Variants in MCTP1 observed in about 807,000 individuals in gnomAD.
MCTP1 encodes the protein multiple C2 and transmembrane domain-containing protein 1.
In MCTP1, 69 loss-of-function variants were observed where a neutral mutation model predicts 120.6. The ratio of observed to expected loss-of-function variants is 0.57; its 90% CI spans 0.47 to 0.70. MCTP1 has a LOEUF of 0.70. MCTP1 is among the 30% of genes least tolerant of loss of function. The pLI is 0.00. For missense variants in MCTP1, 1,203 were observed against 1,248.8 expected (o/e 0.96, Z 0.55); for synonymous variants, 529 against 493.1 (o/e 1.07, Z -0.96).
chr5:95,115,410 T>C (rs1757749826), intron 1 of MCTP1, among the ~76,000 whole-genome samples: 2 of 152,060 alleles, frequency 1.3e-5, no homozygotes, highest in African/African-American at 2.4e-5. Context: ...CAGAATTCTA[T>C]CAGATAAACT....
chr5:94,840,202 A>G (rs535883803), intron 17 of MCTP1, among the ~76,000 whole-genome samples: 143 of 152,204 alleles, frequency 9.4e-4, no homozygotes, highest in Admixed American at 1.6e-3. Flanking sequence ...CTTTCCCCCA[A>G]CTCTCAAGGG....
chr5:95,017,533 AT>A lies in MCTP1; in HGVS notation c.721-50del, dbSNP rs779447283. ...ATATTAAATTTATTATCTCTGTTCTATTTTCTCTAAAGGGGGACCATATATA... is the reference window on the plus strand; with the variant it reads ...ATATTAAATTTATTATCTCTGTTCTATTTCTCTAAAGGGGGACCATATATA... On this transcript the variant is annotated intron_variant, in intron 1 of 22. Transcript: ENST00000515393. The A allele has an allele frequency of 2.3e-6, 3 of 1,301,458 alleles. No individual in the cohort carries two copies. In the East Asian group the frequency reaches 7.7e-5, roughly 33 times the overall value. The allele number at this position is 1,301,458 out of a possible 1,614,324, so 80.6% of individuals were successfully genotyped here.
At position 94,714,789 on chromosome 5, in the gene MCTP1, T is replaced by C; in HGVS notation, c.2708A>G (p.Glu903Gly). ...NILDEVASFGERIKNTFNWTV... is the reference protein window; with the variant it reads ...NILDEVASFGGRIKNTFNWTV... Reference sequence around the variant, plus strand: ...CACCGTCACTCACTTCTTTATCCTTTCGCCAAAGGAAGCCACTTCATCTAG... The same window carrying C: ...CACCGTCACTCACTTCTTTATCCTTCCGCCAAAGGAAGCCACTTCATCTAG... The change falls in exon 20 of 23, where the codon GAA becomes GGA. Residue 903 changes from glutamate (E) to glycine (G), a missense_variant. By Grantham distance (98) the Glu-to-Gly change is moderately conservative. Transcript: ENST00000515393. 6.3e-7 allele frequency: 1 copy of C among 1,596,008 alleles called. No individual in the cohort carries two copies. Among genetic ancestry groups the C allele is most frequent in the Non-Finnish European group, 8.6e-7 (1 of 1,163,690 alleles).
At chr5:95,242,880 G>A (rs1283417529) in intron 1 of MCTP1, among the ~76,000 whole-genome samples, 1 of 152,168 alleles carries the variant, frequency 6.6e-6, no homozygotes, top group Admixed American at 6.5e-5. Context: ...TTTAACATGT[G>A]AAATTGTCTG....
chr5:95,091,492 G>C (rs1419595587), intron 1 of MCTP1, among the ~76,000 whole-genome samples: 2 of 152,136 alleles, frequency 1.3e-5, no homozygotes, highest in Non-Finnish European at 2.9e-5. Context: ...GACTTCTGAG[G>C]CTAGAACATA....
At chr5:94,839,227 T>C (rs1790475766) in intron 17 of MCTP1, among the ~76,000 whole-genome samples, 1 of 152,180 alleles carries the variant, frequency 6.6e-6, no homozygotes, top group Non-Finnish European at 1.5e-5. Flanking sequence ...TTTTTTCCAA[T>C]ACTGGTACTT....
chr5:94,965,997 A>G (rs190078342), intron 2 of MCTP1, among the ~76,000 whole-genome samples: 5 of 152,322 alleles, frequency 3.3e-5, no homozygotes, highest in Non-Finnish European at 2.9e-5. Flanking sequence ...TGAGAAATCT[A>G]TAACTGTGTA....
At chr5:94,908,250 G>T (rs1004021369) in intron 10 of MCTP1, among the ~76,000 whole-genome samples, 2 of 152,036 alleles carry the variant, frequency 1.3e-5, no homozygotes, top group Non-Finnish European at 2.9e-5. Flanking sequence ...TGTAGTATTA[G>T]ATTACGGTGG....
At chr5:95,229,471 A>G (rs1055154801) in intron 1 of MCTP1, among the ~76,000 whole-genome samples, 1 of 152,104 alleles carries the variant, frequency 6.6e-6, no homozygotes, top group Non-Finnish European at 1.5e-5. Flanking sequence ...CTTATTGATG[A>G]GAGAAAAGTT....
At chr5:94,909,778 A>G (rs1465124110) in intron 9 of MCTP1, among the ~76,000 whole-genome samples, 1 of 152,142 alleles carries the variant, frequency 6.6e-6, no homozygotes, top group Non-Finnish European at 1.5e-5. Context: ...AAGGAGAATG[A>G]GGATTTTCAG....
At chr5:95,210,759 C>A (rs940720652) in intron 1 of MCTP1, among the ~76,000 whole-genome samples, 4 of 152,036 alleles carry the variant, frequency 2.6e-5, no homozygotes, top group Admixed American at 2.0e-4. Flanking sequence ...CACGCAGTTT[C>A]TTCCTAGTCT....
Position 94,705,566 on chromosome 5 carries a change from T to TTAA in MCTP1, c.*1927_*1929dup, listed in dbSNP as rs1024358209. ...TGGGAAAGATTATTTTCTTTTGTAT[T>TTAA]TAATACAGTGAATGTGTAGTCAGCA... On this transcript the variant is annotated 3_prime_UTR_variant, in exon 23 of 23. Coordinates refer to ENST00000515393, the MANE Select transcript of MCTP1 (RefSeq NM_024717.7). 6.6e-6 allele frequency: 1 copy of TTAA among 151,374 alleles called. No individual in the cohort carries two copies. The highest frequency in any genetic ancestry group is 2.4e-5 in the African/African-American group (1 of 41,308). 9.4% of individuals were successfully genotyped at this position (151,374 alleles called of 1,614,324 possible). A position where few individuals can be genotyped will look rare whatever the true frequency, so the allele number is the denominator to read the frequency against.
At chr5:95,270,297 A>T (rs545690187) in intron 1 of MCTP1, among the ~76,000 whole-genome samples, 1 of 152,320 alleles carries the variant, frequency 6.6e-6, no homozygotes, top group East Asian at 1.9e-4. Flanking sequence ...CATCATACAG[A>T]TGTATAACTT....
chr5:94,714,133 A>G (rs906246663), intron 20 of MCTP1, among the ~76,000 whole-genome samples: 5 of 152,172 alleles, frequency 3.3e-5, no homozygotes, highest in East Asian at 1.9e-4. Context: ...TACGTATATA[A>G]GAATGTAAGT....
At chr5:94,774,130 C>T (rs1774743146) in intron 19 of MCTP1, among the ~76,000 whole-genome samples, 1 of 64,186 alleles carries the variant, frequency 1.6e-5, no homozygotes, top group Non-Finnish European at 2.7e-5. Flanking sequence ...ATGGCGTGAA[C>T]CCGGGAGGCG....
intron 17 of MCTP1, chr5:94,868,000 T>C (rs1220720690): frequency 5.8e-6 from 1 of 173,396 alleles, no homozygotes; most frequent in Non-Finnish European, 1.2e-5. Flanking sequence ...TTACTATTAT[T>C]ATTTTTCACA....
At chr5:95,255,589 T>C (rs943664927) in intron 1 of MCTP1, among the ~76,000 whole-genome samples, 6 of 152,156 alleles carry the variant, frequency 3.9e-5, no homozygotes, top group Non-Finnish European at 7.3e-5. Context: ...TTACAGGTAC[T>C]GAAGCCTGAA....
intron 2 of MCTP1, among the ~76,000 whole-genome samples, chr5:95,003,617 AAAG>A (rs1485362844): frequency 2.6e-5 from 4 of 152,220 alleles, no homozygotes; most frequent in Non-Finnish European, 5.9e-5. Flanking sequence ...TAAAACAGTA[AAAG>A]AAGAAGAGAA....
At chr5:94,897,627 A>T (rs188061181) in intron 10 of MCTP1, among the ~76,000 whole-genome samples, 25 of 152,314 alleles carry the variant, frequency 1.6e-4, no homozygotes, top group African/African-American at 5.3e-4. Context: ...GGCCTCCCAA[A>T]GTGCTGGGAT....
Sources: allele counts gnomAD v4.1 joint callset (sites outside exome capture counted in the v4.1 genomes callset), GRCh38; gene constraint gnomAD v4.1.1; transcripts MANE v1.5; gene names NCBI Gene and HGNC (gene_info 2026-07-23, HGNC 2026-07-21).